Variants in SIK3 observed in about 807,000 individuals in gnomAD.
The protein encoded by SIK3 is serine/threonine-protein kinase SIK3.
A neutral mutation model predicts 144.2 loss-of-function variants in SIK3; 28 were observed. The ratio of observed to expected loss-of-function variants is 0.19; its 90% CI spans 0.14 to 0.27. The LOEUF is 0.27. SIK3 is among the 10% of genes least tolerant of loss of function. The pLI, the probability that SIK3 is intolerant of heterozygous loss-of-function variation, is 1.00. For synonymous variants in SIK3, 686 were observed against 676.3 expected, an observed-to-expected ratio of 1.01 and a Z score of -0.22; for missense variants, 1,319 against 1,776.0, an observed-to-expected ratio of 0.74 and a Z score of 4.62.
intron 6 of SIK3, among the ~76,000 whole-genome samples, chr11:116,891,296 G>A (rs1040432490): frequency 6.6e-6 from 1 of 152,156 alleles, no homozygotes; most frequent in African/African-American, 2.4e-5. Flanking sequence ...CAGCCTGGGT[G>A]ACAGAGCGAG....
chr11:117,074,172 T>C (rs1437142571), intron 1 of SIK3, among the ~76,000 whole-genome samples: 2 of 152,196 alleles, frequency 1.3e-5, no homozygotes, highest in Admixed American at 6.5e-5. Context: ...AATCAAACCA[T>C]AGTGCTCTGC....
intron 1 of SIK3, among the ~76,000 whole-genome samples, chr11:117,090,667 A>ACGGT (rs1229392051): frequency 6.6e-6 from 1 of 152,236 alleles, no homozygotes. Context: ...GACTACTTTT[A>ACGGT]CGGTCATTGC....
At chr11:116,985,392 G>T (rs1343587803) in intron 1 of SIK3, among the ~76,000 whole-genome samples, 1 of 152,136 alleles carries the variant, frequency 6.6e-6, no homozygotes, top group Non-Finnish European at 1.5e-5. Flanking sequence ...ACAGTTATGA[G>T]GTTTCCCATC....
intron 4 of SIK3, among the ~76,000 whole-genome samples, chr11:116,906,547 A>G (rs1270795844): frequency 6.6e-6 from 1 of 152,182 alleles, no homozygotes; most frequent in Non-Finnish European, 1.5e-5. Context: ...AAGAGGATGC[A>G]GCAAAAAGGA....
At chr11:117,024,508 A>G (rs571868605) in intron 1 of SIK3, among the ~76,000 whole-genome samples, 7 of 152,304 alleles carry the variant, frequency 4.6e-5, no homozygotes, top group African/African-American at 1.7e-4. Context: ...AAACTGATGT[A>G]AGCCTGCAAC....
At chr11:116,992,874 A>G (rs1291042900) in intron 1 of SIK3, among the ~76,000 whole-genome samples, 1 of 152,098 alleles carries the variant, frequency 6.6e-6, no homozygotes, top group Non-Finnish European at 1.5e-5. Flanking sequence ...AGTCCCAGCT[A>G]TTTGGGAGGC....
At chr11:116,968,131 A>G (rs1210726809) in intron 1 of SIK3, among the ~76,000 whole-genome samples, 1 of 151,950 alleles carries the variant, frequency 6.6e-6, no homozygotes, top group East Asian at 1.9e-4. Flanking sequence ...TTAATTCTTA[A>G]ATTTCTGGGT....
chr11:117,081,593 C>A (rs1425473326), intron 1 of SIK3, among the ~76,000 whole-genome samples: 1 of 152,162 alleles, frequency 6.6e-6, no homozygotes, highest in Admixed American at 6.5e-5. Context: ...CACTGCACTC[C>A]AGCGTGGGCG....
intron 1 of SIK3, among the ~76,000 whole-genome samples, chr11:116,991,953 C>A (rs1362307531): frequency 6.6e-6 from 1 of 152,080 alleles, no homozygotes; most frequent in Non-Finnish European, 1.5e-5. Flanking sequence ...TACACCCATA[C>A]ACGTATATCA....
chr11:117,021,676 T>C (rs979484004), intron 1 of SIK3, among the ~76,000 whole-genome samples: 7 of 151,908 alleles, frequency 4.6e-5, no homozygotes, highest in African/African-American at 7.3e-5. Context: ...AAAACTCCAT[T>C]AATTAAGCTA....
At chr11:116,920,307 C>T (rs1565453154) in intron 4 of SIK3, among the ~76,000 whole-genome samples, 1 of 152,146 alleles carries the variant, frequency 6.6e-6, no homozygotes, top group African/African-American at 2.4e-5. Flanking sequence ...TTCTTCCAAT[C>T]CCCATTTTAT....
intron 21 of SIK3, 68 bp downstream of exon 21, chr11:116,857,742 G>A (rs1943034521): frequency 1.3e-6 from 2 of 1,542,204 alleles, no homozygotes; most frequent in Admixed American, 4.3e-5. Flanking sequence ...GCTGAAAAAA[G>A]ATAACATTAC....
rs71037444 is a variant in SIK3, at chr11:117,021,928, C to CAAAAAAA, written c.274-64871_274-64865dup. Among the ~76,000 whole-genome samples, 168 of 58,940 alleles carry CAAAAAAA rather than the reference C, an allele frequency of 2.9e-3. 6 individuals carry two copies. The highest frequency in any genetic ancestry group is 0.01 in the Middle Eastern group (1 of 98). 38.7% of individuals were successfully genotyped at this position (58,940 alleles called of 152,430 possible). A position where few individuals can be genotyped will look rare whatever the true frequency, so the allele number is the denominator to read the frequency against. ...ATAGCACAGTGAGCCTCTGTCTCTA[C>CAAAAAAA]AAAAAAAAAAAAAAAAAAAAAAAAA... On this transcript the variant is annotated intron_variant, in intron 1 of 24. Coordinates refer to ENST00000445177, the MANE Select transcript of SIK3 (RefSeq NM_001366686.3).
At chr11:116,965,634 C>G (rs2135437415) in intron 1 of SIK3, among the ~76,000 whole-genome samples, 1 of 122,630 alleles carries the variant, frequency 8.2e-6, no homozygotes, top group East Asian at 2.1e-4. Context: ...GGGCTCACAC[C>G]TGTAATCCTA....
Position 116,937,568 on chromosome 11 carries a change from G to T in SIK3, c.455-10188C>A, listed in dbSNP as rs763053894. On this transcript the variant is annotated intron_variant, in intron 3 of 24. Coordinates refer to ENST00000445177, the MANE Select transcript of SIK3 (RefSeq NM_001366686.3). ...ATGGGATATATCCTAAGAACAAAAA[G>T]AACCACAAGTCTCCTTATTATTTGT... Among the ~76,000 whole-genome samples, 255 of 152,222 alleles carry T rather than the reference G, an allele frequency of 1.7e-3. 2 individuals carry two copies. Among genetic ancestry groups the T allele is most frequent in the Middle Eastern group, 3.4e-3 (1 of 294 alleles).
intron 1 of SIK3, among the ~76,000 whole-genome samples, chr11:117,007,607 G>T (rs1490526743): frequency 6.6e-6 from 1 of 152,160 alleles, no homozygotes; most frequent in Non-Finnish European, 1.5e-5. Flanking sequence ...TGTGTTGGGG[G>T]ATCCTATACT....
chr11:117,058,457 C>A (rs1336532440), intron 1 of SIK3, among the ~76,000 whole-genome samples: 2 of 149,556 alleles, frequency 1.3e-5, no homozygotes, highest in African/African-American at 5.0e-5. Context: ...GAGGCGGAAG[C>A]TGCAGTGAGC....
At chr11:117,039,289 T>A (rs1952644396) in intron 1 of SIK3, among the ~76,000 whole-genome samples, 1 of 152,246 alleles carries the variant, frequency 6.6e-6, no homozygotes, top group Non-Finnish European at 1.5e-5. Flanking sequence ...TATATTTTTT[T>A]AATTGTGTTT....
chr11:117,001,518 T>C (rs187207653), intron 1 of SIK3, among the ~76,000 whole-genome samples: 1 of 143,032 alleles, frequency 7.0e-6, no homozygotes, highest in South Asian at 2.2e-4. Context: ...AAAAAAAAAA[T>C]TTAAAATAAA....
Sources: allele counts gnomAD v4.1 joint callset (sites outside exome capture counted in the v4.1 genomes callset), GRCh38; gene constraint gnomAD v4.1.1; transcripts MANE v1.5; gene names NCBI Gene and HGNC (gene_info 2026-07-23, HGNC 2026-07-21).